AGTPBP1: variants seen among roughly 807,000 people sequenced by gnomAD.
AGTPBP1 encodes the protein ATP/GTP binding carboxypeptidase 1.
AGTPBP1 carries 70 observed loss-of-function variants against 143.9 expected under a neutral mutation model. The ratio of observed to expected loss-of-function variants is 0.49; its 90% CI spans 0.40 to 0.59. AGTPBP1 has a LOEUF of 0.59. Ranked by LOEUF, AGTPBP1 falls within the 20% of genes least tolerant of loss-of-function variation. The pLI is 0.00. For missense variants in AGTPBP1, 1,229 were observed against 1,464.5 expected, an observed-to-expected ratio of 0.84 and a Z score of 2.62; for synonymous variants, 463 against 500.2, an observed-to-expected ratio of 0.93 and a Z score of 0.99.
chr9:85,576,044 T>C, intron 24 of AGTPBP1, among the ~76,000 whole-genome samples: 1 of 152,186 alleles, frequency 6.6e-6, no homozygotes, highest in East Asian at 1.9e-4. Context: ...CAATTCAGAA[T>C]GCTCATTTCA....
intron 25 of AGTPBP1, among the ~76,000 whole-genome samples, chr9:85,551,228 A>G (rs776028730): frequency 2.6e-5 from 4 of 152,212 alleles, no homozygotes; most frequent in African/African-American, 7.2e-5. Flanking sequence ...GTCTCAGTTT[A>G]TAAGTACCCA....
the AGTPBP1 span, chr9:85,786,565 G>C: frequency 1.2e-6 from 2 of 1,613,538 alleles, no homozygotes; most frequent in Non-Finnish European, 1.7e-6. Context: ...GAAAACCAAG[G>C]GACTTAAAAA....
At position 85,691,536 on chromosome 9, in the gene AGTPBP1, G is replaced by GGTGTGTGTGT. The variant is rs58713865; in HGVS notation, c.157+1143_157+1152dup. 9.8e-3 allele frequency among the ~76,000 whole-genome samples: 1,412 copies of GGTGTGTGTGT among 144,522 alleles called. 8 individuals are homozygous for GGTGTGTGTGT. Among genetic ancestry groups the GGTGTGTGTGT allele is most frequent in the Non-Finnish European group, 0.013 (836 of 65,258 alleles). 94.8% of individuals were successfully genotyped at this position (144,522 alleles called of 152,430 possible). A position where few individuals can be genotyped will look rare whatever the true frequency, so the allele number is the denominator to read the frequency against. Reference sequence around the variant, plus strand: ...TTTCTCTTATCCAAAAAAAAAAGAGGGTGTGTGTGTGTGTGTGTGTGTGTG... The same window carrying GGTGTGTGTGT: ...TTTCTCTTATCCAAAAAAAAAAGAGGGTGTGTGTGTGTGTGTGTGTGTGTGTGTGTGTGTG... On this transcript the variant is annotated intron_variant, in intron 3 of 25. Coordinates refer to ENST00000357081, the MANE Select transcript of AGTPBP1 (RefSeq NM_001330701.2).
the AGTPBP1 span, chr9:85,785,706 T>C: frequency 3.5e-4 from 59 of 166,314 alleles, no homozygotes; most frequent in South Asian, 9.0e-3. Context: ...CCTCGAGATA[T>C]GGGGCAGAGC....
At chr9:85,595,313 T>G (rs1829223516) in intron 18 of AGTPBP1, among the ~76,000 whole-genome samples, 1 of 152,114 alleles carries the variant, frequency 6.6e-6, no homozygotes, top group East Asian at 1.9e-4. Context: ...AAAGTCAAAA[T>G]TCACCATACA....
At chr9:85,689,616 C>T (rs559847934) in intron 3 of AGTPBP1, among the ~76,000 whole-genome samples, 1 of 151,944 alleles carries the variant, frequency 6.6e-6, no homozygotes, top group South Asian at 2.1e-4. Context: ...ATTTCTTGGC[C>T]GGGCACAGTG....
chr9:85,671,880 T>C (rs79956311), intron 7 of AGTPBP1, among the ~76,000 whole-genome samples: 3,186 of 152,260 alleles, frequency 0.021, 127 homozygotes, highest in African/African-American at 0.072. Flanking sequence ...GTGACTATGC[T>C]ACTGCATCCT....
chr9:85,670,462 T>C (rs554760143), intron 7 of AGTPBP1, among the ~76,000 whole-genome samples: 1 of 152,306 alleles, frequency 6.6e-6, no homozygotes, highest in African/African-American at 2.4e-5. Context: ...AAAGCAAGTG[T>C]AGCAGGGAAA....
chr9:85,607,916 T>A (rs575887628), intron 17 of AGTPBP1, among the ~76,000 whole-genome samples: 1 of 152,108 alleles, frequency 6.6e-6, no homozygotes, highest in Non-Finnish European at 1.5e-5. Context: ...AAAAAATACA[T>A]GCTTCTAACA....
chr9:85,698,271 T>C (rs1836402328), intron 2 of AGTPBP1, among the ~76,000 whole-genome samples: 1 of 152,178 alleles, frequency 6.6e-6, no homozygotes, highest in Non-Finnish European at 1.5e-5. Flanking sequence ...AAAAGAAAAC[T>C]TTCATCTTAG....
At chr9:85,657,779 ATATT>A in intron 9 of AGTPBP1, 136 bp from the exon 10 acceptor site, 1 of 561,272 alleles carries the variant, frequency 1.8e-6, no homozygotes. Context: ...TGACAAGCAC[ATATT>A]TATATTTTTT....
chr9:85,595,672 G>A (rs1829254703), intron 18 of AGTPBP1, among the ~76,000 whole-genome samples: 1 of 152,074 alleles, frequency 6.6e-6, no homozygotes, highest in African/African-American at 2.4e-5. Context: ...GATTACAGGT[G>A]TGCGCCACAA....
At chr9:85,619,155 C>T (rs1318966915) in intron 16 of AGTPBP1, 24 bp from the exon 17 acceptor site, 1 of 1,610,660 alleles carries the variant, frequency 6.2e-7, no homozygotes, top group Non-Finnish European at 8.5e-7. Flanking sequence ...ACAAAGAAAT[C>T]TGATGAAAAT....
At chr9:85,579,645 A>G (rs537792314) in intron 23 of AGTPBP1, among the ~76,000 whole-genome samples, 1 of 151,450 alleles carries the variant, frequency 6.6e-6, no homozygotes, top group Non-Finnish European at 1.5e-5. Flanking sequence ...GAAATAATCC[A>G]ACATATCAAA....
intron 15 of AGTPBP1, among the ~76,000 whole-genome samples, chr9:85,620,401 G>C (rs1830852555): frequency 7.0e-6 from 1 of 143,292 alleles, no homozygotes; most frequent in African/African-American, 2.6e-5. Context: ...CTAGGAGACA[G>C]AGTGCATGGG....
At chr9:85,619,408 C>A in intron 15 of AGTPBP1, 107 bp from the exon 16 acceptor site, 1 of 722,690 alleles carries the variant, frequency 1.4e-6, no homozygotes. Flanking sequence ...TGCCATATCA[C>A]CTTCCTCATT....
At chr9:85,636,352 C>A (rs898658960) in intron 13 of AGTPBP1, among the ~76,000 whole-genome samples, 5 of 149,158 alleles carry the variant, frequency 3.4e-5, no homozygotes, top group Non-Finnish European at 7.4e-5. Context: ...AGCTCCAACT[C>A]CCTGGTTCAA....
the AGTPBP1 span, among the ~76,000 whole-genome samples, chr9:85,779,303 A>T: frequency 1.3e-5 from 2 of 151,300 alleles, no homozygotes; most frequent in Non-Finnish European, 2.9e-5. Context: ...CTCTATATAT[A>T]TAAAGGGGAG....
At chr9:85,788,789 C>T in the AGTPBP1 span, among the ~76,000 whole-genome samples, 59 of 149,956 alleles carry the variant, frequency 3.9e-4, no homozygotes, top group African/African-American at 1.3e-3. Flanking sequence ...TATATAGATA[C>T]ACTTGTATAT....
Sources: gnomAD v4.1 joint callset for allele counts (sites outside exome capture counted in the v4.1 genomes callset) on GRCh38, gnomAD v4.1.1 for gene constraint, MANE v1.5 for transcripts, NCBI Gene and HGNC (gene_info 2026-07-23, HGNC 2026-07-21) for gene names.